GARIN4: variants seen among roughly 807,000 people sequenced by gnomAD.
GARIN4 encodes the protein golgi associated RAB2 interactor family member 4.
the GARIN4 span, chr1:212,625,585 T>C: frequency 6.2e-7 from 1 of 1,614,218 alleles, no homozygotes; most frequent in African/African-American, 1.3e-5. Context: ...CCACCTCTGC[T>C]GCTTATGCTG....
the GARIN4 span, chr1:212,625,243 G>A: frequency 5.0e-6 from 8 of 1,614,038 alleles, no homozygotes; most frequent in Admixed American, 1.0e-4. Context: ...CCAGGCTTCT[G>A]CCCCTGAGGT....
the GARIN4 span, chr1:212,625,049 G>A: frequency 1.9e-6 from 3 of 1,614,180 alleles, no homozygotes; most frequent in Admixed American, 3.3e-5. Context: ...CAAAAGGGGA[G>A]AAGTGATTGA....
At chr1:212,624,907 T>C in the GARIN4 span, 1 of 1,607,634 alleles carries the variant, frequency 6.2e-7, no homozygotes, top group Non-Finnish European at 8.5e-7. Context: ...TGCCGTATTA[T>C]ACGGCCCAGA....
chr1:212,625,103 A>G, the GARIN4 span: 2 of 1,614,170 alleles, frequency 1.2e-6, no homozygotes, highest in Non-Finnish European at 1.7e-6. Context: ...CATTGCACGT[A>G]CCAGCCCCAT....
the GARIN4 span, chr1:212,625,144 A>G: frequency 6.2e-7 from 1 of 1,614,094 alleles, no homozygotes; most frequent in Non-Finnish European, 8.5e-7. Context: ...TGCTACTGGC[A>G]CGACCGGCCA....
At chr1:212,625,151 G>A in the GARIN4 span, 3 of 1,613,994 alleles carry the variant, frequency 1.9e-6, no homozygotes, top group East Asian at 6.7e-5. Flanking sequence ...GGCACGACCG[G>A]CCACCGGCTG....
At chr1:212,625,664 T>A in the GARIN4 span, 1 of 1,614,040 alleles carries the variant, frequency 6.2e-7, no homozygotes, top group Non-Finnish European at 8.5e-7. Context: ...CCCCAAAACA[T>A]CTACAGAACT....
At chr1:212,625,350 A>G in the GARIN4 span, 3 of 1,614,248 alleles carry the variant, frequency 1.9e-6, no homozygotes, top group Non-Finnish European at 2.5e-6. Context: ...CCCGCTCTTG[A>G]CACACGGGAT....
At chr1:212,625,641 T>C in the GARIN4 span, 1 of 1,614,034 alleles carries the variant, frequency 6.2e-7, no homozygotes, top group Admixed American at 1.7e-5. Context: ...ACTAATGTGC[T>C]CAATGCATCC....
chr1:212,626,043 C>T, the GARIN4 span: 2 of 1,614,228 alleles, frequency 1.2e-6, no homozygotes, highest in South Asian at 1.1e-5. Flanking sequence ...GACATGGATG[C>T]AGCAGCGGGA....
At chr1:212,625,094 A>G in the GARIN4 span, 1 of 1,614,150 alleles carries the variant, frequency 6.2e-7, no homozygotes, top group Admixed American at 1.7e-5. Flanking sequence ...GACCATGGGC[A>G]TTGCACGTAC....
the GARIN4 span, chr1:212,624,973 G>A: frequency 6.2e-7 from 1 of 1,614,192 alleles, no homozygotes; most frequent in East Asian, 2.2e-5. Flanking sequence ...AGCGACAACT[G>A]TACAAGGGGG....
the GARIN4 span, chr1:212,626,609 G>A: frequency 6.2e-7 from 1 of 1,613,600 alleles, no homozygotes; most frequent in Non-Finnish European, 8.5e-7. Flanking sequence ...GCTGGAGACG[G>A]TTGGTTCTAT....
the GARIN4 span, chr1:212,625,925 A>G: frequency 1.2e-6 from 2 of 1,614,214 alleles, no homozygotes; most frequent in Non-Finnish European, 1.7e-6. Flanking sequence ...GGCTGCAGGC[A>G]AGTCCTCAGA....
the GARIN4 span, chr1:212,626,732 A>G: frequency 1.3e-6 from 2 of 1,521,492 alleles, no homozygotes; most frequent in Non-Finnish European, 1.8e-6. Context: ...AGCCTATTCC[A>G]GCGTTCTTTA....
chr1:212,625,323 G>T, the GARIN4 span: 1 of 1,614,260 alleles, frequency 6.2e-7, no homozygotes, highest in Non-Finnish European at 8.5e-7. Flanking sequence ...GGCAGATCTT[G>T]CTATCTGCAA....
chr1:212,625,691 A>G, the GARIN4 span: 1 of 1,614,112 alleles, frequency 6.2e-7, no homozygotes, highest in Non-Finnish European at 8.5e-7. Flanking sequence ...GGAGCCAGCA[A>G]CAGGGGGGAT....
At chr1:212,625,400 C>G in the GARIN4 span, 1 of 1,614,192 alleles carries the variant, frequency 6.2e-7, no homozygotes, top group Non-Finnish European at 8.5e-7. Flanking sequence ...TTACCTCTTG[C>G]GGCCACCCAT....
At chr1:212,625,668 C>G in the GARIN4 span, 1 of 1,614,156 alleles carries the variant, frequency 6.2e-7, no homozygotes, top group Non-Finnish European at 8.5e-7. Flanking sequence ...AAAACATCTA[C>G]AGAACTTGCT....
Sources: gnomAD v4.1 joint callset for allele counts on GRCh38, gnomAD v4.1.1 for gene constraint, MANE v1.5 for transcripts, NCBI Gene and HGNC (gene_info 2026-07-23, HGNC 2026-07-21) for gene names.